Variants in PRKCB observed in about 807,000 individuals in gnomAD.
PRKCB encodes the protein protein kinase C beta type.
In PRKCB, 13 loss-of-function variants were observed where a neutral mutation model predicts 81.5. That is an observed-to-expected ratio of 0.16 (90% CI 0.10 to 0.25). The LOEUF (loss-of-function observed/expected upper bound fraction) is 0.25. Ranked by LOEUF, PRKCB falls within the 10% of genes least tolerant of loss-of-function variation. The probability of loss-of-function intolerance (pLI) is 1.00; values close to 1 mark genes in which losing one functional copy is unlikely to be tolerated. For synonymous variants in PRKCB, 335 were observed against 321.4 expected (o/e 1.04, Z -0.45); for missense variants, 509 against 875.7 (o/e 0.58, Z 5.29).
chr16:24,164,061 G>T (rs1237397016), intron 10 of PRKCB, among the ~76,000 whole-genome samples: 1 of 152,202 alleles, frequency 6.6e-6, no homozygotes, highest in Non-Finnish European at 1.5e-5. Flanking sequence ...ACAAATTCTT[G>T]CAGCAACTTC....
Position 24,217,070 on chromosome 16 carries a change from G to T in PRKCB, c.*2254G>T. Reference sequence around the variant, plus strand: ...ATCTGAGACAACTTTAGAAAACAATGTAGGATGAATGGAAAGAGAAAGAAA... The same window carrying T: ...ATCTGAGACAACTTTAGAAAACAATTTAGGATGAATGGAAAGAGAAAGAAA... On this transcript the variant is annotated 3_prime_UTR_variant, in exon 17 of 17. Coordinates refer to ENST00000643927, the MANE Select transcript of PRKCB (RefSeq NM_002738.7). 2 of 983,730 alleles carry T rather than the reference G, an allele frequency of 2.0e-6. No homozygotes were observed. Among genetic ancestry groups the T allele is most frequent in the Non-Finnish European group, 2.4e-6 (2 of 829,642 alleles). The allele number at this position is 983,730 out of a possible 1,614,324, so 60.9% of individuals were successfully genotyped here. A position where few individuals can be genotyped will look rare whatever the true frequency, so the allele number is the denominator to read the frequency against.
intron 9 of PRKCB, 77 bp from the exon 10 acceptor site, chr16:24,154,607 A>G: frequency 6.9e-7 from 1 of 1,454,410 alleles, no homozygotes. Context: ...AAGTGTGGCT[A>G]CAAATGAACA....
At position 23,855,148 on chromosome 16, in the gene PRKCB, C is replaced by T. The variant is rs113133117; in HGVS notation, c.205+17742C>T. On this transcript the variant is annotated intron_variant, in intron 2 of 16. Transcript: ENST00000643927. The stretch of plus-strand genomic sequence containing the variant: ...GGAGGGAGAGAATAAAGAGAGCCGG[C>T]GGGGGAGGGGGTGGCAGGAGAGAGA... Among the ~76,000 whole-genome samples the T allele has an allele frequency of 5.5e-4, 80 of 145,274 alleles. 1 individual carries two copies. The highest frequency in any genetic ancestry group is 1.9e-3 in the African/African-American group (76 of 39,090).
rs137997303 is a variant in PRKCB, at chr16:23,967,365, G to C, written c.206-21143G>C. 4.3e-3 allele frequency among the ~76,000 whole-genome samples: 662 copies of C among 152,366 alleles called. 4 individuals carry two copies. Among genetic ancestry groups the C allele is most frequent in the African/African-American group, 0.015 (635 of 41,588 alleles). ...AGCTTCCTCATAGTCACCCATGGGG[G>C]CGATAGGGTGGTGATGGTGATGTGG... On this transcript the variant is annotated intron_variant, in intron 2 of 16. Transcript: ENST00000643927.
At chr16:23,859,954 A>G (rs988364095) in intron 2 of PRKCB, among the ~76,000 whole-genome samples, 5 of 152,128 alleles carry the variant, frequency 3.3e-5, no homozygotes, top group Non-Finnish European at 7.4e-5. Context: ...AGGGGAGAGC[A>G]CAGGTGAAAA....
chr16:24,087,205 C>G (rs1316083628), intron 5 of PRKCB, among the ~76,000 whole-genome samples: 1 of 152,186 alleles, frequency 6.6e-6, no homozygotes, highest in Non-Finnish European at 1.5e-5. Context: ...TATTATCTGA[C>G]AGTTCAGCTC....
At chr16:24,168,022 T>C (rs552703384) in intron 10 of PRKCB, among the ~76,000 whole-genome samples, 1 of 152,374 alleles carries the variant, frequency 6.6e-6, no homozygotes, top group South Asian at 2.1e-4. Flanking sequence ...GTTGTTGTTA[T>C]AATTATTAGG....
In PRKCB at chr16:24,184,973, GTC is replaced by G. The variant is rs1967681141; in HGVS notation, c.1534-136_1534-135del. ...AGCTGCAGGTGCCTCTGCAAAGCAT[GTC>G]TGTCATTCCCTGAATAGCTAATATA... On this transcript the variant is annotated intron_variant, in intron 13 of 16. Transcript: ENST00000643927. 4 of 752,720 alleles carry G rather than the reference GTC, an allele frequency of 5.3e-6. No homozygotes were observed. The South Asian group carries it at 6.4e-5, about 12-fold the overall frequency. 46.6% of individuals were successfully genotyped at this position (752,720 alleles called of 1,614,324 possible). A position where few individuals can be genotyped will look rare whatever the true frequency, so the allele number is the denominator to read the frequency against.
At chr16:24,069,774 A>T (rs1966084419) in intron 5 of PRKCB, among the ~76,000 whole-genome samples, 1 of 152,216 alleles carries the variant, frequency 6.6e-6, no homozygotes, top group South Asian at 2.1e-4. Flanking sequence ...AGTGCCTGGC[A>T]TATAGTATGT....
chr16:24,072,234 C>G (rs573379210), intron 5 of PRKCB, among the ~76,000 whole-genome samples: 2 of 152,232 alleles, frequency 1.3e-5, no homozygotes, highest in East Asian at 3.9e-4. Context: ...CCCATCCCTG[C>G]CTTCTCCCAG....
chr16:24,114,290 A>T (rs1446956058), intron 8 of PRKCB, among the ~76,000 whole-genome samples: 1 of 150,270 alleles, frequency 6.7e-6, no homozygotes, highest in African/African-American at 2.4e-5. Context: ...AAATAAGTAG[A>T]CAGAGAAGTG....
intron 3 of PRKCB, among the ~76,000 whole-genome samples, chr16:24,027,929 C>T (rs1271122698): frequency 6.6e-6 from 1 of 152,058 alleles, no homozygotes; most frequent in Admixed American, 6.6e-5. Context: ...ACCACTATGT[C>T]TGGCTTTAAT....
Position 23,968,635 on chromosome 16 carries a change from A to T in PRKCB, c.206-19873A>T, listed in dbSNP as rs566281781. ...GGAAACCAGAAGGACCAGATGATGAATTCTGTAAGGGTCAGCCTTTTGGGG... is the reference window on the plus strand; with the variant it reads ...GGAAACCAGAAGGACCAGATGATGATTTCTGTAAGGGTCAGCCTTTTGGGG... On this transcript the variant is annotated intron_variant, in intron 2 of 16. Coordinates refer to ENST00000643927, the MANE Select transcript of PRKCB (RefSeq NM_002738.7). Among the ~76,000 whole-genome samples the T allele has an allele frequency of 1.3e-3, 200 of 152,304 alleles. 1 individual carries two copies. Among genetic ancestry groups the T allele is most frequent in the Admixed American group, 5.0e-3 (77 of 15,302 alleles).
chr16:23,984,707 T>G (rs776201456), intron 2 of PRKCB, among the ~76,000 whole-genome samples: 2 of 152,208 alleles, frequency 1.3e-5, no homozygotes, highest in African/African-American at 2.4e-5. Flanking sequence ...TGCTACAATT[T>G]AAACACGTTG....
chr16:24,115,066 T>C (rs1450906072), intron 8 of PRKCB, among the ~76,000 whole-genome samples: 2 of 152,128 alleles, frequency 1.3e-5, no homozygotes, highest in African/African-American at 4.8e-5. Flanking sequence ...GGGGGTTATA[T>C]AGCAGCAATG....
rs148933655 is a variant in PRKCB, at chr16:24,103,868, C to T, written c.822-9105C>T. Reference sequence around the variant, plus strand: ...TTGCCCAGGCTGGAGTGCAACGCCGCGATCTTGGCTCACCATAGCCTCCGC... The same window carrying T: ...TTGCCCAGGCTGGAGTGCAACGCCGTGATCTTGGCTCACCATAGCCTCCGC... On this transcript the variant is annotated intron_variant, in intron 7 of 16. Transcript: ENST00000643927. 9.8e-3 allele frequency among the ~76,000 whole-genome samples: 1,484 copies of T among 152,200 alleles called. 12 individuals carry two copies. Among genetic ancestry groups the T allele is most frequent in the Non-Finnish European group, 0.014 (956 of 68,002 alleles).
At chr16:23,846,608 C>CAAAAAAA (rs33919504) in intron 2 of PRKCB, among the ~76,000 whole-genome samples, 1 of 65,352 alleles carries the variant, frequency 1.5e-5, no homozygotes, top group Non-Finnish European at 2.7e-5. Context: ...GACTCCGTCT[C>CAAAAAAA]AAAAAAAAAA....
intron 1 of PRKCB, 83 bp downstream of exon 1, chr16:23,836,431 C>T: frequency 9.8e-6 from 1 of 102,260 alleles, no homozygotes; most frequent in Non-Finnish European, 1.4e-5. Flanking sequence ...CCCTCTGCGC[C>T]CTCCGCGCCC....
intron 4 of PRKCB, among the ~76,000 whole-genome samples, chr16:24,034,581 AC>A (rs1425444927): frequency 6.6e-6 from 1 of 152,238 alleles, no homozygotes; most frequent in Non-Finnish European, 1.5e-5. Flanking sequence ...GTGTATAGGC[AC>A]ATTTTATCCA....
Sources: allele counts gnomAD v4.1 joint callset (sites outside exome capture counted in the v4.1 genomes callset), GRCh38; gene constraint gnomAD v4.1.1; transcripts MANE v1.5; gene names NCBI Gene and HGNC (gene_info 2026-07-23, HGNC 2026-07-21).